Variants in ADGRL3 observed in about 807,000 individuals in gnomAD.
ADGRL3 encodes the protein calcium-independent alpha-latrotoxin receptor 3.
ADGRL3 carries 62 observed loss-of-function variants against 153.5 expected under a neutral mutation model. The observed-to-expected ratio is 0.40, with a 90% CI of 0.33 to 0.50. ADGRL3 has a LOEUF of 0.50. ADGRL3 is among the 20% of genes least tolerant of loss of function. The pLI, the probability that ADGRL3 is intolerant of heterozygous loss-of-function variation, is 0.47. For missense variants in ADGRL3, 1,641 were observed against 1,859.4 expected, an observed-to-expected ratio of 0.88 and a Z score of 2.16; for synonymous variants, 710 against 672.5, an observed-to-expected ratio of 1.06 and a Z score of -0.86.
rs75191624 is a variant in ADGRL3 at position 61,578,266 on chromosome 4, C to T, written c.260-8961C>T. Among the ~76,000 whole-genome samples the T allele has an allele frequency of 2.5e-3, 373 of 152,108 alleles. 10 individuals are homozygous for T. Among genetic ancestry groups the T allele is most frequent in the East Asian group, 2.3e-3 (12 of 5,162 alleles). On this transcript the variant is annotated intron_variant, in intron 4 of 26. Transcript: ENST00000683033. ...TCTATTCTTCCTATCTTTGTCTAAG[C>T]CACGGTTTGGTAAATGGGGATGATA...
At chr4:61,707,750 T>A (rs891166220) in intron 6 of ADGRL3, among the ~76,000 whole-genome samples, 2 of 152,170 alleles carry the variant, frequency 1.3e-5, no homozygotes, top group African/African-American at 4.8e-5. Flanking sequence ...TTTCATGTGC[T>A]TAACCTTCCT....
At chr4:61,284,114 A>C (rs2150037077) in intron 1 of ADGRL3, among the ~76,000 whole-genome samples, 1 of 152,098 alleles carries the variant, frequency 6.6e-6, no homozygotes, top group African/African-American at 2.4e-5. Flanking sequence ...ATGGCGTCTT[A>C]ATTGATGTAA....
chr4:61,397,884 A>C (rs2096886824), intron 2 of ADGRL3, among the ~76,000 whole-genome samples: 1 of 151,900 alleles, frequency 6.6e-6, no homozygotes, highest in Admixed American at 6.6e-5. Context: ...TAGCTGTTGA[A>C]AATATAATGG....
chr4:61,736,522 G>A (rs2096516748), intron 8 of ADGRL3, among the ~76,000 whole-genome samples: 1 of 152,132 alleles, frequency 6.6e-6, no homozygotes, highest in African/African-American at 2.4e-5. Context: ...GTCTGGTGTG[G>A]TGGTGGGTGC....
chr4:61,373,266 C>G (rs932652443), intron 1 of ADGRL3, among the ~76,000 whole-genome samples: 2 of 152,132 alleles, frequency 1.3e-5, no homozygotes, highest in Non-Finnish European at 2.9e-5. Context: ...GTCGCTTTTT[C>G]TAAAATATCT....
At chr4:61,658,518 G>A (rs2094503375) in intron 5 of ADGRL3, among the ~76,000 whole-genome samples, 1 of 152,038 alleles carries the variant, frequency 6.6e-6, no homozygotes, top group African/African-American at 2.4e-5. Context: ...GATAAGTTAA[G>A]GAAAACATAT....
At chr4:61,377,091 C>T (rs949488047) in intron 1 of ADGRL3, among the ~76,000 whole-genome samples, 3 of 152,078 alleles carry the variant, frequency 2.0e-5, no homozygotes, top group Non-Finnish European at 4.4e-5. Flanking sequence ...GAAGACACCT[C>T]AGCACGGGTT....
At chr4:61,729,827 T>C (rs1195761530) in intron 6 of ADGRL3, among the ~76,000 whole-genome samples, 3 of 152,066 alleles carry the variant, frequency 2.0e-5, no homozygotes, top group Admixed American at 6.6e-5. Context: ...TGGAATTTAA[T>C]TTGAAATGTA....
intron 9 of ADGRL3, among the ~76,000 whole-genome samples, chr4:61,820,747 A>T (rs1204456013): frequency 6.6e-6 from 1 of 152,164 alleles, no homozygotes; most frequent in Non-Finnish European, 1.5e-5. Context: ...CGGTGATTTT[A>T]TGGCAGATTT....
intron 17 of ADGRL3, among the ~76,000 whole-genome samples, chr4:61,961,029 T>A (rs1042601791): frequency 3.3e-5 from 5 of 152,238 alleles, no homozygotes; most frequent in Non-Finnish European, 5.9e-5. Context: ...TTAAAATAAA[T>A]CTGTATTTTG....
intron 9 of ADGRL3, among the ~76,000 whole-genome samples, chr4:61,859,557 C>G (rs1684600399): frequency 6.6e-6 from 1 of 152,114 alleles, no homozygotes; most frequent in African/African-American, 2.4e-5. Flanking sequence ...CACATTGACT[C>G]CATACCATTT....
At chr4:61,775,582 A>G in intron 8 of ADGRL3, 2 of 961,012 alleles carry the variant, frequency 2.1e-6, no homozygotes, top group South Asian at 1.3e-5. Flanking sequence ...ACAGAGGCCT[A>G]CCCTTTCCCC....
chr4:61,947,012 A>G lies in ADGRL3; in HGVS notation c.2518A>G (p.Asn840Asp). 6.2e-7 allele frequency: 1 copy of G among 1,613,822 alleles called. No individual in the cohort carries two copies. Among genetic ancestry groups the G allele is most frequent in the Non-Finnish European group, 8.5e-7 (1 of 1,179,790 alleles). ...GTTGGGAACGGAAGCTTTGTCCACA[A>G]ATCATTCTGTTATTGTCAATTCCCC... ...MKLGTEALST[N>D]HSVIVNSPVI... Residue 840 changes from asparagine (N) to aspartate (D), a missense_variant, in exon 16 of 27, where the codon AAT becomes GAT. By Grantham distance (23) the Asn-to-Asp change is conservative (BLOSUM62 1). Transcript: ENST00000683033.
intron 11 of ADGRL3, among the ~76,000 whole-genome samples, chr4:61,903,787 A>G (rs1211094264): frequency 6.6e-6 from 1 of 151,208 alleles, no homozygotes; most frequent in Non-Finnish European, 1.5e-5. Context: ...TCATTTATTC[A>G]TTAAAGACAA....
intron 2 of ADGRL3, among the ~76,000 whole-genome samples, chr4:61,473,130 C>G (rs2152692672): frequency 6.6e-6 from 1 of 151,998 alleles, no homozygotes; most frequent in East Asian, 1.9e-4. Context: ...GTGTGTTTGA[C>G]TTAATACAGC....
chr4:62,051,219 A>C (rs1734044356), intron 25 of ADGRL3, among the ~76,000 whole-genome samples: 2 of 149,802 alleles, frequency 1.3e-5, no homozygotes, highest in African/African-American at 4.9e-5. Flanking sequence ...ATATATGTAC[A>C]TGTTATTGAT....
chr4:61,450,543 T>TAATATAA (rs2097661029), intron 2 of ADGRL3, among the ~76,000 whole-genome samples: 1 of 152,206 alleles, frequency 6.6e-6, no homozygotes, highest in African/African-American at 2.4e-5. Context: ...TAAATATTGA[T>TAATATAA]ATAGTTTGCT....
chr4:61,213,516 G>A (rs568844065), intron 1 of ADGRL3, among the ~76,000 whole-genome samples: 23 of 152,006 alleles, frequency 1.5e-4, no homozygotes, highest in Non-Finnish European at 2.9e-4. Flanking sequence ...ACAGAGATAC[G>A]TAAAGTTAAA....
intron 8 of ADGRL3, among the ~76,000 whole-genome samples, chr4:61,792,192 A>G (rs1221294908): frequency 6.6e-6 from 1 of 150,852 alleles, no homozygotes; most frequent in African/African-American, 2.4e-5. Context: ...ACCAGCACCC[A>G]AGTCACCTCT....
Sources: gnomAD v4.1 joint callset for allele counts (sites outside exome capture counted in the v4.1 genomes callset) on GRCh38, gnomAD v4.1.1 for gene constraint, MANE v1.5 for transcripts, NCBI Gene and HGNC (gene_info 2026-07-23, HGNC 2026-07-21) for gene names.